The following MISFA variants were observed in gnomAD, a reference collection of about 807,000 sequenced individuals.
MISFA encodes the protein mitochondrial sheath formation associated.
the MISFA span, chr11:18,602,346 G>A: frequency 2.6e-5 from 4 of 152,576 alleles, no homozygotes; most frequent in Admixed American, 2.0e-4. Flanking sequence ...CCCAGCCCCA[G>A]GTATACTAAG....
the MISFA span, chr11:18,607,314 GC>G: frequency 1.3e-5 from 2 of 152,762 alleles, no homozygotes; most frequent in Non-Finnish European, 2.9e-5. Context: ...TAAAAGAAGT[GC>G]CCTTTGCTTT....
the MISFA span, chr11:18,608,159 A>G: frequency 9.8e-5 from 15 of 152,772 alleles, no homozygotes; most frequent in African/African-American, 3.6e-4. Context: ...ATTTTCTGCT[A>G]CCATTGTAAC....
chr11:18,607,027 A>G, the MISFA span: 1 of 250,910 alleles, frequency 4.0e-6, no homozygotes, highest in South Asian at 4.0e-5. Context: ...CACCCGGCTA[A>G]TTTTTTTATT....
the MISFA span, among the ~76,000 whole-genome samples, chr11:18,604,382 G>A: frequency 1.3e-5 from 2 of 152,026 alleles, no homozygotes; most frequent in Admixed American, 6.6e-5. Flanking sequence ...TTTGCCTGGC[G>A]CGATGGCTCA....
chr11:18,600,034 A>T, the MISFA span: 2 of 398,812 alleles, frequency 5.0e-6, no homozygotes, highest in Admixed American at 4.4e-5. Flanking sequence ...CCTGGTGGTC[A>T]GTCCTGTGCT....
At chr11:18,600,740 T>C in the MISFA span, among the ~76,000 whole-genome samples, 29 of 149,498 alleles carry the variant, frequency 1.9e-4, no homozygotes, top group Non-Finnish European at 3.8e-4. Context: ...CAGGATGGTC[T>C]AGATCTCCTA....
At chr11:18,609,782 A>T in the MISFA span, 1 of 1,282,260 alleles carries the variant, frequency 7.8e-7, no homozygotes, top group Non-Finnish European at 1.1e-6. Context: ...CTAAAATGAT[A>T]AGGGGGCTTC....
At chr11:18,606,536 T>A in the MISFA span, 2 of 201,650 alleles carry the variant, frequency 9.9e-6, no homozygotes, top group African/African-American at 4.8e-5. Context: ...AAAATTTTTT[T>A]AACTTGATTT....
At chr11:18,609,525 C>T in the MISFA span, 3 of 230,376 alleles carry the variant, frequency 1.3e-5, no homozygotes, top group Non-Finnish European at 1.7e-5. Context: ...CCTTTTTTTT[C>T]CTTTCAAAGT....
At chr11:18,601,347 T>C in the MISFA span, 21 of 398,000 alleles carry the variant, frequency 5.3e-5, no homozygotes, top group African/African-American at 3.5e-4. Flanking sequence ...CAAAGTTGTC[T>C]ATTAATAACC....
the MISFA span, chr11:18,608,592 C>T: frequency 2.0e-5 from 3 of 152,194 alleles, no homozygotes; most frequent in South Asian, 2.1e-4. Context: ...CATCATATCT[C>T]ATTTTCTGTT....
At chr11:18,605,601 G>C in the MISFA span, among the ~76,000 whole-genome samples, 1 of 152,050 alleles carries the variant, frequency 6.6e-6, no homozygotes, top group African/African-American at 2.4e-5. Flanking sequence ...TAGGATACTA[G>C]CATCTTCTAT....
the MISFA span, chr11:18,603,164 T>G: frequency 2.5e-6 from 1 of 399,106 alleles, no homozygotes; most frequent in Non-Finnish European, 4.4e-6. Context: ...GCAGGAACCA[T>G]GTGGAAGGGA....
the MISFA span, chr11:18,607,746 T>TAGA: frequency 6.6e-6 from 1 of 152,232 alleles, no homozygotes; most frequent in Non-Finnish European, 1.5e-5. Flanking sequence ...AGTGCTCTTT[T>TAGA]ATAATGTTGA....
chr11:18,609,792 C>T, the MISFA span: 2 of 1,434,180 alleles, frequency 1.4e-6, no homozygotes, highest in Non-Finnish European at 1.9e-6. Context: ...AAGGGGGCTT[C>T]TTCAGTCTGA....
chr11:18,603,808 G>C, the MISFA span: 1 of 390,420 alleles, frequency 2.6e-6, no homozygotes, highest in Non-Finnish European at 4.5e-6. Flanking sequence ...TCCTGGTGAA[G>C]TAATGCAGCT....
the MISFA span, chr11:18,608,502 G>A: frequency 6.6e-6 from 1 of 152,178 alleles, no homozygotes; most frequent in African/African-American, 2.4e-5. Context: ...GTTTATTGTA[G>A]AACGTTTATT....
the MISFA span, chr11:18,607,579 T>C: frequency 6.6e-6 from 1 of 152,628 alleles, no homozygotes. Flanking sequence ...TTGTAAACCT[T>C]AATGAAATAA....
the MISFA span, among the ~76,000 whole-genome samples, chr11:18,604,383 C>T: frequency 6.6e-6 from 1 of 151,892 alleles, no homozygotes; most frequent in Admixed American, 6.6e-5. Context: ...TTGCCTGGCG[C>T]GATGGCTCAC....
Sources: allele counts gnomAD v4.1 joint callset (sites outside exome capture counted in the v4.1 genomes callset), GRCh38; gene constraint gnomAD v4.1.1; transcripts MANE v1.5; gene names NCBI Gene and HGNC (gene_info 2026-07-23, HGNC 2026-07-21).